Variants in THSD7A observed in about 807,000 individuals in gnomAD.
The protein encoded by THSD7A is thrombospondin type-1 domain-containing protein 7A.
Under a neutral mutation model 231.3 loss-of-function variants are expected in THSD7A, and 96 were observed. That is an observed-to-expected ratio of 0.41 (90% confidence interval 0.35 to 0.49). The LOEUF (loss-of-function observed/expected upper bound fraction) is 0.49, where lower values mean the gene tolerates loss of function less well. Ranked by LOEUF, THSD7A falls within the 20% of genes least tolerant of loss-of-function variation. The pLI, the probability that THSD7A is intolerant of heterozygous loss-of-function variation, is 0.05. For synonymous variants in THSD7A, 940 were observed against 743.3 expected (o/e 1.26, Z -4.30); for missense variants, 2,290 against 2,070.2 (o/e 1.11, Z -2.06).
intron 15 of THSD7A, among the ~76,000 whole-genome samples, 166 bp from the exon 16 acceptor site, chr7:11,424,995 G>C (rs1426746509): frequency 6.6e-6 from 1 of 152,226 alleles, no homozygotes; most frequent in Non-Finnish European, 1.5e-5. Context: ...AGTTCTAGCA[G>C]TAGAGGATAG....
chr7:11,519,254 T>G (rs1443650263), intron 6 of THSD7A, among the ~76,000 whole-genome samples: 2 of 152,174 alleles, frequency 1.3e-5, no homozygotes, highest in Non-Finnish European at 2.9e-5. Context: ...AGCCCTGAAC[T>G]GCCCCGCGCC....
chr7:11,611,480 AATTAT>A (rs1171686740), intron 2 of THSD7A, among the ~76,000 whole-genome samples: 1 of 151,884 alleles, frequency 6.6e-6, no homozygotes, highest in African/African-American at 2.4e-5. Context: ...TTGTGAAAAT[AATTAT>A]ATTAAATGTT....
At chr7:11,820,566 T>C (rs1217421684) in intron 1 of THSD7A, 3 of 718,646 alleles carry the variant, frequency 4.2e-6, no homozygotes, top group African/African-American at 3.5e-5. Context: ...GTTACTCTTG[T>C]TATTGTTCCC....
chr7:11,378,411 CATG>C (rs1214087907), intron 26 of THSD7A, among the ~76,000 whole-genome samples: 1 of 152,154 alleles, frequency 6.6e-6, no homozygotes, highest in Non-Finnish European at 1.5e-5. Context: ...AATAGCATAT[CATG>C]AGGTATTCAA....
intron 1 of THSD7A, among the ~76,000 whole-genome samples, chr7:11,694,058 C>T (rs539616328): frequency 6.6e-6 from 1 of 151,558 alleles, no homozygotes; most frequent in South Asian, 2.1e-4. Context: ...AAATGTGCAG[C>T]TATATAAAAG....
intron 1 of THSD7A, among the ~76,000 whole-genome samples, chr7:11,670,598 C>G (rs1783345436): frequency 6.6e-6 from 1 of 152,154 alleles, no homozygotes; most frequent in Non-Finnish European, 1.5e-5. Context: ...CTGCTGGAAA[C>G]AAACAGACTT....
intron 1 of THSD7A, among the ~76,000 whole-genome samples, chr7:11,791,639 G>C (rs1783954347): frequency 6.6e-6 from 1 of 151,900 alleles, no homozygotes; most frequent in Admixed American, 6.6e-5. Context: ...TTCCTTGTAA[G>C]AATTTCCTTA....
At chr7:11,763,225 G>A (rs2128168880) in intron 1 of THSD7A, among the ~76,000 whole-genome samples, 1 of 152,146 alleles carries the variant, frequency 6.6e-6, no homozygotes, top group Non-Finnish European at 1.5e-5. Context: ...AAATCATCCT[G>A]CAGCCTGACA....
chr7:11,770,483 G>C (rs1447524682), intron 1 of THSD7A, among the ~76,000 whole-genome samples: 3 of 152,116 alleles, frequency 2.0e-5, no homozygotes, highest in South Asian at 2.1e-4. Flanking sequence ...AATTCTGACA[G>C]TGAAGCCACA....
intron 1 of THSD7A, among the ~76,000 whole-genome samples, chr7:11,772,718 G>T (rs1783273590): frequency 6.6e-6 from 1 of 152,112 alleles, no homozygotes; most frequent in Non-Finnish European, 1.5e-5. Flanking sequence ...ACTTGCCAGG[G>T]GGAGGGTAGA....
At chr7:11,537,638 T>C (rs1788968493) in intron 6 of THSD7A, among the ~76,000 whole-genome samples, 4 of 140,888 alleles carry the variant, frequency 2.8e-5, no homozygotes, top group African/African-American at 1.1e-4. Context: ...TACAGCGCCA[T>C]GCTTCCTGTA....
chr7:11,819,576 C>A (rs142661117), intron 1 of THSD7A, among the ~76,000 whole-genome samples: 1 of 152,096 alleles, frequency 6.6e-6, no homozygotes, highest in Non-Finnish European at 1.5e-5. Flanking sequence ...AGGCTACATA[C>A]GGTATGATTC....
intron 2 of THSD7A, among the ~76,000 whole-genome samples, chr7:11,608,233 A>C (rs1335593012): frequency 6.6e-6 from 1 of 152,196 alleles, no homozygotes; most frequent in Admixed American, 6.5e-5. Flanking sequence ...TGTTTCATCA[A>C]AGCTATTTTT....
chr7:11,793,204 A>G (rs562722538), intron 1 of THSD7A, among the ~76,000 whole-genome samples: 35 of 152,082 alleles, frequency 2.3e-4, no homozygotes, highest in South Asian at 6.2e-4. Flanking sequence ...GGTAAGAAGT[A>G]TTTCAAGATG....
chr7:11,713,598 A>G (rs1781036407), intron 1 of THSD7A, among the ~76,000 whole-genome samples: 1 of 151,160 alleles, frequency 6.6e-6, no homozygotes, highest in Non-Finnish European at 1.5e-5. Context: ...TCAGGAAGCA[A>G]TTGTATATGT....
At chr7:11,812,023 G>A (rs1784540402) in intron 1 of THSD7A, among the ~76,000 whole-genome samples, 1 of 152,022 alleles carries the variant, frequency 6.6e-6, no homozygotes, top group Non-Finnish European at 1.5e-5. Flanking sequence ...AGGTGGGAGA[G>A]AAAAGAACCA....
At chr7:11,804,403 T>C (rs867078818) in intron 1 of THSD7A, among the ~76,000 whole-genome samples, 1 of 152,188 alleles carries the variant, frequency 6.6e-6, no homozygotes, top group Admixed American at 6.5e-5. Flanking sequence ...TCTAGATTTG[T>C]GATGAGTTTC....
chr7:11,514,571 T>C (rs988052124), intron 6 of THSD7A, among the ~76,000 whole-genome samples: 11 of 152,136 alleles, frequency 7.2e-5, no homozygotes, highest in Admixed American at 7.2e-4. Context: ...ATTTTATGAG[T>C]AAATTTCTAT....
intron 1 of THSD7A, among the ~76,000 whole-genome samples, chr7:11,750,708 A>T (rs1782472804): frequency 2.0e-5 from 3 of 152,060 alleles, no homozygotes; most frequent in African/African-American, 7.2e-5. Flanking sequence ...GCATATAGGA[A>T]GATCCGGCAC....
Sources: gnomAD v4.1 joint callset for allele counts (sites outside exome capture counted in the v4.1 genomes callset) on GRCh38, gnomAD v4.1.1 for gene constraint, MANE v1.5 for transcripts, NCBI Gene and HGNC (gene_info 2026-07-23, HGNC 2026-07-21) for gene names.